FKBP15: variants seen among roughly 807,000 people sequenced by gnomAD.
The protein encoded by FKBP15 is FK506-binding protein 15.
Under a neutral mutation model 158.1 loss-of-function variants are expected in FKBP15, and 106 were observed. That is an observed-to-expected ratio of 0.67 (90% CI 0.57 to 0.79). The LOEUF is 0.79. Among genes scored for constraint, FKBP15 ranks in the 30% least tolerant of loss-of-function variants. FKBP15 has a pLI of 0.00. For missense variants in FKBP15, 1,287 were observed against 1,479.1 expected, an observed-to-expected ratio of 0.87 and a Z score of 2.13; for synonymous variants, 547 against 548.6, an observed-to-expected ratio of 1.00 and a Z score of 0.04.
chr9:113,181,885 T>C (rs946146665), intron 19 of FKBP15, among the ~76,000 whole-genome samples: 3 of 152,192 alleles, frequency 2.0e-5, no homozygotes, highest in Non-Finnish European at 4.4e-5. Context: ...CTGCTGATCT[T>C]GACCTAGGCA....
chr9:113,194,208 T>C (rs1275131662), intron 9 of FKBP15, 39 bp from the exon 10 acceptor site: 43 of 1,511,530 alleles, frequency 2.8e-5, no homozygotes, highest in Non-Finnish European at 3.5e-5. Flanking sequence ...TAGGTGGGAA[T>C]TGAACAATGA....
rs58387523 is a variant in FKBP15 at position 113,215,605 on chromosome 9, C to CGTGTGT, written c.54-4019_54-4014dup. Among the ~76,000 whole-genome samples, 501 of 99,610 alleles carry CGTGTGT rather than the reference C, an allele frequency of 5.0e-3. 11 individuals carry two copies. The highest frequency in any genetic ancestry group is 0.019 in the African/African-American group (487 of 25,326). 65.3% of individuals were successfully genotyped at this position (99,610 alleles called of 152,430 possible). A position where few individuals can be genotyped will look rare whatever the true frequency, so the allele number is the denominator to read the frequency against. On this transcript the variant is annotated intron_variant, in intron 1 of 27. Transcript: ENST00000238256. ...ACATATGTGTGAATATATATGTGTGCGTGTGTGTGTGTGTGTGTGTATATA... is the reference window on the plus strand; with the variant it reads ...ACATATGTGTGAATATATATGTGTGCGTGTGTGTGTGTGTGTGTGTGTGTGTATATA...
At chr9:113,179,557 A>T (rs988272251) in intron 19 of FKBP15, among the ~76,000 whole-genome samples, 3 of 151,618 alleles carry the variant, frequency 2.0e-5, no homozygotes, top group African/African-American at 7.3e-5. Context: ...AGCTACTCGG[A>T]GGCTGAGGCA....
At chr9:113,215,630 A>G (rs1310433426) in intron 1 of FKBP15, among the ~76,000 whole-genome samples, 4 of 112,952 alleles carry the variant, frequency 3.5e-5, no homozygotes, top group South Asian at 2.9e-4. Context: ...GTGTGTATAT[A>G]TATATATATA....
chr9:113,189,785 GAACT>G (rs1460972049), intron 12 of FKBP15, among the ~76,000 whole-genome samples: 4 of 151,964 alleles, frequency 2.6e-5, no homozygotes, highest in Non-Finnish European at 4.4e-5. Context: ...ATTCAATAAA[GAACT>G]AACCACTAGA....
intron 22 of FKBP15, 149 bp from the exon 23 acceptor site, chr9:113,173,754 T>A: frequency 2.6e-6 from 2 of 778,924 alleles, no homozygotes; most frequent in South Asian, 1.9e-5. Flanking sequence ...TCATTACTTT[T>A]AAAATAAATG....
At chr9:113,211,827 A>G (rs1035886326) in intron 1 of FKBP15, among the ~76,000 whole-genome samples, 2 of 152,082 alleles carry the variant, frequency 1.3e-5, no homozygotes, top group African/African-American at 2.4e-5. Context: ...TGATTTGAAC[A>G]TCATCAGTTG....
At chr9:113,203,214 A>G (rs1238895269) in intron 4 of FKBP15, among the ~76,000 whole-genome samples, 179 bp from the exon 5 acceptor site, 1 of 152,198 alleles carries the variant, frequency 6.6e-6, no homozygotes, top group Non-Finnish European at 1.5e-5. Context: ...CACTATCCAC[A>G]TTAATCTCTT....
chr9:113,169,857 C>T lies in FKBP15; in HGVS notation c.2852G>A (p.Arg951Gln), dbSNP rs754592745. The T allele has an allele frequency of 4.5e-6, 7 of 1,551,758 alleles. No individual in the cohort carries two copies. The highest frequency in any genetic ancestry group is 3.9e-5 in the Admixed American group (2 of 51,022). The change falls in exon 26 of 28, where the codon CGG becomes CAG. Residue 951 changes from arginine (R) to glutamine (Q), a missense_variant. Transcript: ENST00000238256. Reference protein sequence around the residue: ...SEEEEEKAEERPRRPSQEQSA... With the variant: ...SEEEEEKAEEQPRRPSQEQSA... ...CTGCTCCTGGGAAGGTCTTCGTGGCCGCTCTTCTGCTTTTTCTTCTTCTTC... is the reference window on the plus strand; with the variant it reads ...CTGCTCCTGGGAAGGTCTTCGTGGCTGCTCTTCTGCTTTTTCTTCTTCTTC...
At chr9:113,187,633 T>C (rs985010549) in intron 14 of FKBP15, 160 bp downstream of exon 14, 29 of 621,880 alleles carry the variant, frequency 4.7e-5, no homozygotes, top group African/African-American at 4.5e-4. Context: ...ATCCTTTGCC[T>C]GGTTTAGAGA....
At chr9:113,191,687 G>A (rs1830578746) in intron 11 of FKBP15, among the ~76,000 whole-genome samples, 2 of 149,134 alleles carry the variant, frequency 1.3e-5, no homozygotes, top group African/African-American at 4.9e-5. Flanking sequence ...AAGGCAAGGT[G>A]CATTACATAC....
At position 113,183,738 on chromosome 9, in the gene FKBP15, T is replaced by C; in HGVS notation, c.1811+13A>G. 6.3e-7 allele frequency: 1 copy of C among 1,590,246 alleles called. No homozygotes were observed. Among genetic ancestry groups the C allele is most frequent in the Non-Finnish European group, 8.6e-7 (1 of 1,158,570 alleles). On this transcript the variant is annotated intron_variant, in intron 18 of 27. Coordinates refer to ENST00000238256, the MANE Select transcript of FKBP15 (RefSeq NM_015258.2). ...TTTTGTCCATCCTAGCCAGGCCCCG[T>C]ACCTGTCATTACCTCTGATTTCGTT... is the stretch of plus-strand genomic sequence containing the variant.
At chr9:113,166,873 G>A (rs755738123) in intron 27 of FKBP15, among the ~76,000 whole-genome samples, 29 of 152,166 alleles carry the variant, frequency 1.9e-4, no homozygotes, top group African/African-American at 6.3e-4. Flanking sequence ...GGACCTACCC[G>A]GCTAGCAGGG....
intron 26 of FKBP15, among the ~76,000 whole-genome samples, chr9:113,168,991 TGCCCGCC>T (rs1830149784): frequency 3.4e-5 from 5 of 145,752 alleles, no homozygotes; most frequent in African/African-American, 1.3e-4. Flanking sequence ...ACTACCACAG[TGCCCGCC>T]ACACTACCGC....
At chr9:113,219,834 A>T (rs891391989) in intron 1 of FKBP15, among the ~76,000 whole-genome samples, 1 of 152,236 alleles carries the variant, frequency 6.6e-6, no homozygotes, top group Non-Finnish European at 1.5e-5. Flanking sequence ...GAAAAAAGGA[A>T]CAAAAGCACA....
rs540440433 is a variant in FKBP15, at chr9:113,198,118, C to T, written c.717+737G>A. Among the ~76,000 whole-genome samples the T allele has an allele frequency of 1.1e-4, 16 of 152,314 alleles. No homozygotes were observed. The highest frequency in any genetic ancestry group is 2.9e-4 in the African/African-American group (12 of 41,558). ...AATTCACAACTTGAACCCAAGTTCTCGGATTTCAACCCCAGTGCTCCTCCT... is the reference window on the plus strand; with the variant it reads ...AATTCACAACTTGAACCCAAGTTCTTGGATTTCAACCCCAGTGCTCCTCCT... On this transcript the variant is annotated intron_variant, in intron 8 of 27. Coordinates refer to ENST00000238256, the MANE Select transcript of FKBP15 (RefSeq NM_015258.2). The surrounding 1 kb of genome is among the most constrained non-coding windows in gnomAD (Gnocchi z 5.2).
In FKBP15 at chr9:113,161,325, T is replaced by C; in HGVS notation, c.*4753A>G. On this transcript the variant is annotated 3_prime_UTR_variant, in exon 28 of 28. Transcript: ENST00000238256. ...TTTCAGGTGGCTTCTCTTCCTGATC[T>C]CAAAGCCACACTCCAGCTAAGAAAA... 1 of 613,986 alleles carries C rather than the reference T, an allele frequency of 1.6e-6. No homozygotes were observed. Among genetic ancestry groups the C allele is most frequent in the Non-Finnish European group, 2.8e-6 (1 of 356,728 alleles). 38.0% of individuals were successfully genotyped at this position (613,986 alleles called of 1,614,324 possible). A position where few individuals can be genotyped will look rare whatever the true frequency, so the allele number is the denominator to read the frequency against.
intron 12 of FKBP15, among the ~76,000 whole-genome samples, chr9:113,189,402 CA>C (rs1830537414): frequency 6.6e-6 from 1 of 152,092 alleles, no homozygotes; most frequent in African/African-American, 2.4e-5. Flanking sequence ...GTTTAAAAAT[CA>C]GGTTACAAAG....
intron 2 of FKBP15, among the ~76,000 whole-genome samples, chr9:113,209,003 T>C (rs906819392): frequency 4.5e-5 from 4 of 88,070 alleles, no homozygotes; most frequent in African/African-American, 1.9e-4. Context: ...CGAGACTCCA[T>C]CTCAAAAAAA....
Sources: allele counts gnomAD v4.1 joint callset (sites outside exome capture counted in the v4.1 genomes callset), GRCh38; gene constraint gnomAD v4.1.1; non-coding constraint Gnocchi (gnomAD v3.1); transcripts MANE v1.5; gene names NCBI Gene and HGNC (gene_info 2026-07-23, HGNC 2026-07-21).